TAF1C: variants seen among roughly 807,000 people sequenced by gnomAD.
TAF1C encodes TATA box-binding protein-associated factor RNA polymerase I subunit C.
A neutral mutation model predicts 70.5 loss-of-function variants in TAF1C; 79 were observed. The observed-to-expected ratio is 1.12, with a 90% confidence interval of 0.93 to 1.35. The LOEUF (loss-of-function observed/expected upper bound fraction) is 1.35, where lower values mean the gene tolerates loss of function less well. Ranked by LOEUF, TAF1C falls within the 40% of genes most tolerant of loss-of-function variation. The probability of loss-of-function intolerance (pLI) is 0.00; values close to 1 mark genes in which losing one functional copy is unlikely to be tolerated. For synonymous variants in TAF1C, 614 were observed against 491.1 expected (o/e 1.25, Z -3.31); for missense variants, 1,412 against 1,127.8 (o/e 1.25, Z -3.61).
At position 84,178,172 on chromosome 16, in the gene TAF1C, G is replaced by C. The variant is rs894566904; in HGVS notation, c.*769C>G. The stretch of plus-strand genomic sequence containing the variant: ...TGAGAAGGGGAGGGAGGAAAGAAAG[G>C]GGGGAGTCTGTGAGGCACAACAGAG... On this transcript the variant is annotated 3_prime_UTR_variant, in exon 15 of 15. Coordinates refer to ENST00000566732, the MANE Select transcript of TAF1C (RefSeq NM_001243156.2). The C allele has an allele frequency of 1.3e-5, 5 of 382,628 alleles. No individual in the cohort carries two copies. The highest frequency in any genetic ancestry group is 1.0e-4 in the South Asian group (5 of 49,200). The allele number at this position is 382,628 out of a possible 1,614,324, so 23.7% of individuals were successfully genotyped here.
rs757728010 is a variant in TAF1C at position 84,179,741 on chromosome 16, C to G, written c.1732G>C (p.Asp578His). The change falls in exon 15 of 15, where the codon GAC becomes CAC. Residue 578 changes from aspartate to histidine, a missense_variant. Transcript: ENST00000566732. ...VFYQQLRPQVDSSLRRDAGPP... is the reference protein window; with the variant it reads ...VFYQQLRPQVHSSLRRDAGPP... ...CCAGCATCTCTGCGGAGGCTGGAGT[C>G]CACCTGGGGGCGGAGCTGCTGGTAG... 1.1e-5 allele frequency: 18 copies of G among 1,611,180 alleles called. No homozygotes were observed. In the African/African-American group the frequency reaches 1.6e-4, roughly 14 times the overall value.
chr16:84,181,018 CG>C (rs773442190), intron 12 of TAF1C, 24 bp downstream of exon 12: 22 of 1,582,832 alleles, frequency 1.4e-5, no homozygotes, highest in Non-Finnish European at 1.9e-5. Flanking sequence ...AGAGGTGGGG[CG>C]GGGCGGTGTT....
Position 84,180,307 on chromosome 16 carries a change from A to C in TAF1C, c.1346T>G (p.Val449Gly). The change falls in exon 13 of 15, where the codon GTG becomes GGG. Residue 449 changes from valine (V) to glycine (G), a missense_variant. Val to Gly is a moderately radical substitution (Grantham distance 109). Coordinates refer to ENST00000566732, the MANE Select transcript of TAF1C (RefSeq NM_001243156.2). The part of the protein sequence containing the change: ...LYLVDERLPL[V>G]PMLKWNHGLP... The stretch of plus-strand genomic sequence containing the variant: ...GCCATGGTTCCACTTCAGCATCGGC[A>C]CCAGGGGAAGGCGCTCGTCCACTAG... The C allele has an allele frequency of 6.5e-7, 1 of 1,548,110 alleles. No homozygotes were observed. Among genetic ancestry groups the C allele is most frequent in the Non-Finnish European group, 8.7e-7 (1 of 1,147,778 alleles).
In TAF1C at chr16:84,182,029, C is replaced by T. The variant is rs1434247075; in HGVS notation, c.751G>A (p.Asp251Asn). The change falls in exon 8 of 15, where the codon GAC (aspartate) becomes AAC (asparagine). Residue 251 changes from aspartate to asparagine, a missense_variant. Physicochemically the swap from Asp to Asn is conservative, Grantham distance 23 (BLOSUM62 1). Transcript: ENST00000566732. The surrounding 1 kb of genome is among the most constrained non-coding windows in gnomAD (Gnocchi z 5.0). ...HFQEVVLTPG[D>N]NPQFLGKPGR... is the part of the protein sequence containing the mutation. Reference sequence around the variant, plus strand: ...GGTTTCCCAAGGAATTGGGGATTGTCACCTGGGGTCAGAACGACCTCTTGG... The same window carrying T: ...GGTTTCCCAAGGAATTGGGGATTGTTACCTGGGGTCAGAACGACCTCTTGG... The T allele has an allele frequency of 6.2e-7, 1 of 1,613,440 alleles. No individual in the cohort carries two copies. Among genetic ancestry groups the T allele is most frequent in the South Asian group, 1.1e-5 (1 of 91,078 alleles).
In TAF1C at chr16:84,183,224, T is replaced by C. The variant is rs1202447193; in HGVS notation, c.408+20A>G. 1 of 1,613,990 alleles carries C rather than the reference T, an allele frequency of 6.2e-7. No individual in the cohort carries two copies. Among genetic ancestry groups the C allele is most frequent in the African/African-American group, 1.3e-5 (1 of 75,044 alleles). ...AAGGACAGCAGGGAGTCCCCACCCCTGGAGTCACGGGCCACTCACCCCCGC... is the reference window on the plus strand; with the variant it reads ...AAGGACAGCAGGGAGTCCCCACCCCCGGAGTCACGGGCCACTCACCCCCGC... On this transcript the variant is annotated intron_variant, in intron 5 of 14. Coordinates refer to ENST00000566732, the MANE Select transcript of TAF1C (RefSeq NM_001243156.2).
rs759248727 is a variant in TAF1C at position 84,179,728 on chromosome 16, C to T, written c.1745G>A (p.Arg582His). ...GTCGCCAGGAGGCCCAGCATCTCTG[C>T]GGAGGCTGGAGTCCACCTGGGGGCG... ...QLRPQVDSSL[R>H]RDAGPPGDTQ... is the part of the protein sequence containing the mutation. Residue 582 changes from arginine to histidine, a missense_variant, in exon 15 of 15, where the codon CGC becomes CAC. By Grantham distance (29) the Arg-to-His change is conservative. Coordinates refer to ENST00000566732, the MANE Select transcript of TAF1C (RefSeq NM_001243156.2). 20 of 1,611,756 alleles carry T rather than the reference C, an allele frequency of 1.2e-5. No homozygotes were observed. Among genetic ancestry groups the T allele is most frequent in the African/African-American group, 2.7e-5 (2 of 74,910 alleles).
chr16:84,186,130 T>G lies in TAF1C; in HGVS notation c.-73+771A>C, dbSNP rs146094808. On this transcript the variant is annotated intron_variant, in intron 1 of 14. Coordinates refer to ENST00000566732, the MANE Select transcript of TAF1C (RefSeq NM_001243156.2). ...AGGAAACGAAGGCTCAGCAAGAACT[T>G]TAGTCCAACAGCTCTTAGCTGCCAC... Among the ~76,000 whole-genome samples, 476 of 152,318 alleles carry G rather than the reference T, an allele frequency of 3.1e-3. 2 individuals carry two copies. Among genetic ancestry groups the G allele is most frequent in the African/African-American group, 0.011 (467 of 41,578 alleles).
chr16:84,177,940 G>C lies in TAF1C; in HGVS notation c.*1001C>G, dbSNP rs764429035. 115 of 1,002,576 alleles carry C rather than the reference G, an allele frequency of 1.1e-4. No individual in the cohort carries two copies. Among genetic ancestry groups the C allele is most frequent in the Admixed American group, 3.6e-4 (19 of 52,694 alleles). 62.1% of individuals were successfully genotyped at this position (1,002,576 alleles called of 1,614,324 possible). On this transcript the variant is annotated 3_prime_UTR_variant, in exon 15 of 15. Transcript: ENST00000566732. The stretch of plus-strand genomic sequence containing the variant: ...CCCACGCGAGTCAGTGTATGATTGG[G>C]CTAGCTCCTGTTTGTGTGAGTCACA...
In TAF1C at chr16:84,180,074, G is replaced by T. The variant is rs759498955; in HGVS notation, c.1493C>A (p.Ala498Glu). ...LQLLHLAGEGASVPRLAGPPQ... is the reference protein window; with the variant it reads ...LQLLHLAGEGESVPRLAGPPQ... ...GGGGCCTGCCAGGCGGGGCACCGAC[G>T]CCCCTTCTCCTGAGGAAGGACAGAC... Residue 498 changes from alanine (A) to glutamate (E), a missense_variant, in exon 14 of 15, where the codon GCG (alanine) becomes GAG (glutamate). Transcript: ENST00000566732. 3 of 1,597,450 alleles carry T rather than the reference G, an allele frequency of 1.9e-6. No homozygotes were observed. Among genetic ancestry groups the T allele is most frequent in the Non-Finnish European group, 2.6e-6 (3 of 1,173,184 alleles).
chr16:84,179,116 C>T lies in TAF1C; in HGVS notation c.2357G>A (p.Arg786Gln), dbSNP rs140191472. ...ACAQGVPSEQ[R>Q]QMLRDYMAKL... ...GGCCATGTAGTCACGGAGCATCTGC[C>T]GCTGCTCTGATGGGACGCCCTGGGC... The change falls in exon 15 of 15, where the codon CGG becomes CAG. Residue 786 changes from arginine (R) to glutamine (Q), a missense_variant. Arg to Gln is a conservative substitution (Grantham distance 43). Transcript: ENST00000566732. 4.8e-5 allele frequency: 77 copies of T among 1,609,188 alleles called. No individual in the cohort carries two copies. Among genetic ancestry groups the T allele is most frequent in the African/African-American group, 4.4e-4 (33 of 74,886 alleles).
rs556064726 is a variant in TAF1C at position 84,180,594 on chromosome 16, G to A, written c.1309-250C>T. The A allele has an allele frequency of 5.3e-5, 31 of 581,254 alleles. No homozygotes were observed. The South Asian group carries it at 7.3e-4, about 14-fold the overall frequency. The allele number at this position is 581,254 out of a possible 1,614,324, so 36.0% of individuals were successfully genotyped here. A position where few individuals can be genotyped will look rare whatever the true frequency, so the allele number is the denominator to read the frequency against. The stretch of plus-strand genomic sequence containing the variant: ...GGAAAGGGGTGCTCAGAAGAGGTGT[G>A]GGGGAGCCTTGCCAGCAGAAACCTG... On this transcript the variant is annotated intron_variant, in intron 12 of 14. Transcript: ENST00000566732.
rs755625053 is a variant in TAF1C, at chr16:84,179,108, G to A, written c.2365C>T (p.Leu789Phe). 1.9e-6 allele frequency: 3 copies of A among 1,609,364 alleles called. No individual in the cohort carries two copies. Among genetic ancestry groups the A allele is most frequent in the Non-Finnish European group, 2.5e-6 (3 of 1,178,580 alleles). The change falls in exon 15 of 15, where the codon CTC becomes TTC. Residue 789 changes from leucine (L) to phenylalanine (F), a missense_variant. Transcript: ENST00000566732. ...QGVPSEQRQMLRDYMAKLPPQ... is the reference protein window; with the variant it reads ...QGVPSEQRQMFRDYMAKLPPQ... ...GGTAGCTTGGCCATGTAGTCACGGAGCATCTGCCGCTGCTCTGATGGGACG... is the reference window on the plus strand; with the variant it reads ...GGTAGCTTGGCCATGTAGTCACGGAACATCTGCCGCTGCTCTGATGGGACG...
Position 84,182,975 on chromosome 16 carries a change from G to C in TAF1C, c.482+101C>G. 8.5e-7 allele frequency: 1 copy of C among 1,169,688 alleles called. No individual in the cohort carries two copies. Among genetic ancestry groups the C allele is most frequent in the Non-Finnish European group, 1.3e-6 (1 of 784,352 alleles). 72.5% of individuals were successfully genotyped at this position (1,169,688 alleles called of 1,614,324 possible). On this transcript the variant is annotated intron_variant, in intron 6 of 14. Coordinates refer to ENST00000566732, the MANE Select transcript of TAF1C (RefSeq NM_001243156.2). This position sits in a 1 kb window ranked among gnomAD's most constrained non-coding sequence, Gnocchi z 5.0. Reference sequence around the variant, plus strand: ...AGCTCAGACTGCATGGAGCAGGGGGGAAGTGGGTATGACGGAAAGCTGTAC... The same window carrying C: ...AGCTCAGACTGCATGGAGCAGGGGGCAAGTGGGTATGACGGAAAGCTGTAC...
At position 84,182,411 on chromosome 16, in the gene TAF1C, T is replaced by C; in HGVS notation, c.512A>G (p.Gln171Arg). The C allele has an allele frequency of 6.2e-7, 1 of 1,604,020 alleles. No homozygotes were observed. The highest frequency in any genetic ancestry group is 8.5e-7 in the Non-Finnish European group (1 of 1,177,336). The change falls in exon 7 of 15, where the codon CAG becomes CGG. Residue 171 changes from glutamine (Q) to arginine (R), a missense_variant. By Grantham distance (43) the Gln-to-Arg change is conservative (BLOSUM62 1). Coordinates refer to ENST00000566732, the MANE Select transcript of TAF1C (RefSeq NM_001243156.2). The surrounding 1 kb of genome is among the most constrained non-coding windows in gnomAD (Gnocchi z 5.0). ...GCCCCCGAGGATAGAGAAGCGGCGCTGTCGGTTGCTGAGGTAAGCCCAGGG... is the reference window on the plus strand; with the variant it reads ...GCCCCCGAGGATAGAGAAGCGGCGCCGTCGGTTGCTGAGGTAAGCCCAGGG... ...GCPWAYLSNRQRRFSILGGPI... is the reference protein window; with the variant it reads ...GCPWAYLSNRRRRFSILGGPI...
At chr16:84,183,804 A>G (rs1421003889) in intron 2 of TAF1C, 26 bp from the exon 3 acceptor site, 2 of 1,579,984 alleles carry the variant, frequency 1.3e-6, no homozygotes, top group East Asian at 2.3e-5. Flanking sequence ...TCGCAAGGAC[A>G]GTATCATGAT....
chr16:84,180,540 G>T (rs567386897), intron 12 of TAF1C, 196 bp from the exon 13 acceptor site: 1 of 632,080 alleles, frequency 1.6e-6, no homozygotes. Flanking sequence ...AATTCTGACC[G>T]ACAGTCCGGT....
At chr16:84,185,122 A>G in intron 1 of TAF1C, 62 bp from the exon 2 acceptor site, 1 of 1,136,016 alleles carries the variant, frequency 8.8e-7, no homozygotes, top group Non-Finnish European at 1.2e-6. Flanking sequence ...ATAACAAAAA[A>G]CAAATATGTA....
At position 84,180,260 on chromosome 16, in the gene TAF1C, C is replaced by A. The variant is rs567407566; in HGVS notation, c.1393G>T (p.Ala465Ser). The change falls in exon 13 of 15, where the codon GCC (alanine) becomes TCC (serine). Residue 465 changes from alanine to serine, a missense_variant. Ala to Ser is a moderately conservative substitution (Grantham distance 99). Transcript: ENST00000566732. ...GGCCGGGGCGGAGGCAGCAGTCGGG[C>A]CAGCAGGAGCGGGGAGGGGAGGCCA... ...NHGLPSPLLL[A>S]RLLPPPRPSC... 2 of 1,545,640 alleles carry A rather than the reference C, an allele frequency of 1.3e-6. No homozygotes were observed. Among genetic ancestry groups the A allele is most frequent in the Admixed American group, 2.1e-5 (1 of 48,304 alleles).
chr16:84,185,890 AAC>A (rs1297366655), intron 1 of TAF1C, among the ~76,000 whole-genome samples: 2 of 151,882 alleles, frequency 1.3e-5, no homozygotes, highest in African/African-American at 4.9e-5. Context: ...ACAAGAGCGA[AAC>A]TCCATCTCAA....
Sources: allele counts gnomAD v4.1 joint callset (sites outside exome capture counted in the v4.1 genomes callset), GRCh38; gene constraint gnomAD v4.1.1; non-coding constraint Gnocchi (gnomAD v3.1); transcripts MANE v1.5; gene names NCBI Gene and HGNC (gene_info 2026-07-23, HGNC 2026-07-21).